The following GPRIN3 variants were observed in gnomAD, a reference collection of about 807,000 sequenced individuals.
GPRIN3 encodes the protein G protein-regulated inducer of neurite outgrowth 3.
A neutral mutation model predicts 13.7 loss-of-function variants in GPRIN3; 12 were observed. The observed-to-expected ratio is 0.87, with a 90% CI of 0.56 to 1.42. The LOEUF (loss-of-function observed/expected upper bound fraction) is 1.42, where lower values mean the gene tolerates loss of function less well. Ranked by LOEUF, GPRIN3 falls within the 40% of genes most tolerant of loss-of-function variation. The pLI is 0.00. For synonymous variants in GPRIN3, 377 were observed against 372.7 expected (o/e 1.01, Z -0.13); for missense variants, 1,009 against 958.7 (o/e 1.05, Z -0.69).
At chr4:89,256,382 T>G (rs771927491) in intron 1 of GPRIN3, among the ~76,000 whole-genome samples, 1 of 152,174 alleles carries the variant, frequency 6.6e-6, no homozygotes, top group Non-Finnish European at 1.5e-5. Context: ...AAGCTGACAC[T>G]GTCACTGACC....
In GPRIN3 at chr4:89,256,909, C is replaced by T. The variant is rs187338495; in HGVS notation, c.-123-6676G>A. ...TGCTCCCTTTAATTGGGAACTTTTG[C>T]CTGGATCATTTGCATTCTGAACCCA... On this transcript the variant is annotated intron_variant, in intron 1 of 1. Coordinates refer to ENST00000609438, the MANE Select transcript of GPRIN3 (RefSeq NM_198281.3). Among the ~76,000 whole-genome samples the T allele has an allele frequency of 5.3e-5, 8 of 152,250 alleles. No homozygotes were observed. In the East Asian group the frequency reaches 1.5e-3, roughly 29 times the overall value.
rs1208151953 is a variant in GPRIN3, at chr4:89,249,599, C to T, written c.512G>A (p.Ser171Asn). Residue 171 changes from serine to asparagine, a missense_variant, in exon 2 of 2, where the codon AGT becomes AAT. Physicochemically the swap from Ser to Asn is conservative, Grantham distance 46. Transcript: ENST00000609438. Reference sequence around the variant, plus strand: ...ACTGAGGACGCCTCCCACAGGACAACTTGGTTTCTCAGGTTGCTCTCTATT... The same window carrying T: ...ACTGAGGACGCCTCCCACAGGACAATTTGGTTTCTCAGGTTGCTCTCTATT... ...TSNREQPEKP[S>N]CPVGGVLSSS... The T allele has an allele frequency of 1.2e-6, 2 of 1,614,080 alleles. No individual in the cohort carries two copies. The highest frequency in any genetic ancestry group is 3.3e-5 in the Admixed American group (2 of 60,004).
At chr4:89,278,031 G>A (rs1724141316) in intron 1 of GPRIN3, among the ~76,000 whole-genome samples, 1 of 152,038 alleles carries the variant, frequency 6.6e-6, no homozygotes, top group Non-Finnish European at 1.5e-5. Flanking sequence ...GTTAGCTATT[G>A]CTGCAATATT....
At chr4:89,296,263 A>G (rs946553998) in intron 1 of GPRIN3, among the ~76,000 whole-genome samples, 3 of 152,036 alleles carry the variant, frequency 2.0e-5, no homozygotes, top group Non-Finnish European at 2.9e-5. Flanking sequence ...TTCTTTTACT[A>G]GAAAAAAAAA....
intron 1 of GPRIN3, among the ~76,000 whole-genome samples, chr4:89,269,705 A>C (rs1365297480): frequency 6.6e-6 from 1 of 152,194 alleles, no homozygotes; most frequent in Admixed American, 6.5e-5. Context: ...CAACTGTTGA[A>C]AAAACCATGA....
At chr4:89,259,383 A>G (rs772366083) in intron 1 of GPRIN3, among the ~76,000 whole-genome samples, 42 of 152,188 alleles carry the variant, frequency 2.8e-4, no homozygotes, top group Non-Finnish European at 5.4e-4. Context: ...TTCTTTTGCA[A>G]CTCAGCTTTG....
chr4:89,275,957 A>G (rs1724082190), intron 1 of GPRIN3, among the ~76,000 whole-genome samples: 1 of 152,230 alleles, frequency 6.6e-6, no homozygotes, highest in Non-Finnish European at 1.5e-5. Flanking sequence ...GCCTACAATT[A>G]ACCTAGGCCA....
intron 1 of GPRIN3, among the ~76,000 whole-genome samples, chr4:89,286,805 G>A (rs13106910): frequency 0.72 from 109,181 of 152,048 alleles, 40,494 homozygotes; most frequent in Non-Finnish European, 0.83. Flanking sequence ...TACTCCCAAA[G>A]TACTTAGAAA....
intron 1 of GPRIN3, among the ~76,000 whole-genome samples, chr4:89,277,268 G>T (rs974802785): frequency 1.3e-5 from 2 of 152,130 alleles, no homozygotes; most frequent in Admixed American, 6.5e-5. Context: ...GGCTAAATTC[G>T]CGAGAAAACT....
chr4:89,241,354 G>A lies in GPRIN3; in HGVS notation c.*6426C>T, dbSNP rs1013325920. ...AATACAGAAATTGGCCTTTAAATGGGATACGACAAGTTATTTTTTTTACAC... is the reference window on the plus strand; with the variant it reads ...AATACAGAAATTGGCCTTTAAATGGAATACGACAAGTTATTTTTTTTACAC... On this transcript the variant is annotated 3_prime_UTR_variant, in exon 2 of 2. Coordinates refer to ENST00000609438, the MANE Select transcript of GPRIN3 (RefSeq NM_198281.3). 5 of 152,008 alleles carry A rather than the reference G, an allele frequency of 3.3e-5. No homozygotes were observed. The highest frequency in any genetic ancestry group is 7.4e-5 in the Non-Finnish European group (5 of 67,998). The allele number at this position is 152,008 out of a possible 1,614,324, so 9.4% of individuals were successfully genotyped here. A position where few individuals can be genotyped will look rare whatever the true frequency, so the allele number is the denominator to read the frequency against.
At chr4:89,260,876 CATTT>C (rs946077932) in intron 1 of GPRIN3, among the ~76,000 whole-genome samples, 2 of 152,182 alleles carry the variant, frequency 1.3e-5, no homozygotes, top group African/African-American at 4.8e-5. Flanking sequence ...GACATCCATT[CATTT>C]ATTTAATAAG....
In GPRIN3 at chr4:89,245,649, T is replaced by C. The variant is rs1465263012; in HGVS notation, c.*2131A>G. 2 of 152,234 alleles carry C rather than the reference T, an allele frequency of 1.3e-5. No homozygotes were observed. The highest frequency in any genetic ancestry group is 4.8e-5 in the African/African-American group (2 of 41,452). The allele number at this position is 152,234 out of a possible 1,614,324, so 9.4% of individuals were successfully genotyped here. ...GGCCCTGTTGACAGCTGCTACTGTG[T>C]ACACAGGCTGTACTCTGTGTATACA... On this transcript the variant is annotated 3_prime_UTR_variant, in exon 2 of 2. Transcript: ENST00000609438.
chr4:89,301,709 G>C (rs912091825), intron 1 of GPRIN3, among the ~76,000 whole-genome samples: 2 of 152,154 alleles, frequency 1.3e-5, no homozygotes, highest in Non-Finnish European at 2.9e-5. Context: ...CACTTGGATG[G>C]ACTATTTGCA....
intron 1 of GPRIN3, among the ~76,000 whole-genome samples, chr4:89,278,923 G>A (rs1001440526): frequency 6.6e-6 from 1 of 152,198 alleles, no homozygotes; most frequent in African/African-American, 2.4e-5. Flanking sequence ...CATGGTAGAG[G>A]CCTGTCACTG....
At position 89,242,521 on chromosome 4, in the gene GPRIN3, T is replaced by C. The variant is rs750475191; in HGVS notation, c.*5259A>G. 6.6e-6 allele frequency: 1 copy of C among 152,228 alleles called. No individual in the cohort carries two copies. Among genetic ancestry groups the C allele is most frequent in the Admixed American group, 6.5e-5 (1 of 15,282 alleles). 9.4% of individuals were successfully genotyped at this position (152,228 alleles called of 1,614,324 possible). ...CTCTGGGCTCACATAAAAACATAGA[T>C]GCCAACTGTATCCTGACTAATGCTC... On this transcript the variant is annotated 3_prime_UTR_variant, in exon 2 of 2. Coordinates refer to ENST00000609438, the MANE Select transcript of GPRIN3 (RefSeq NM_198281.3).
At chr4:89,273,684 T>A (rs1023612960) in intron 1 of GPRIN3, among the ~76,000 whole-genome samples, 2 of 152,152 alleles carry the variant, frequency 1.3e-5, no homozygotes, top group Non-Finnish European at 2.9e-5. Context: ...AGACTCCGTC[T>A]CAAAAAACAA....
At chr4:89,271,169 C>T (rs1723939619) in intron 1 of GPRIN3, among the ~76,000 whole-genome samples, 1 of 152,132 alleles carries the variant, frequency 6.6e-6, no homozygotes, top group Non-Finnish European at 1.5e-5. Context: ...CTTATTGAAA[C>T]TTCACAATAA....
chr4:89,287,563 C>T (rs1270001415), intron 1 of GPRIN3, among the ~76,000 whole-genome samples: 1 of 152,090 alleles, frequency 6.6e-6, no homozygotes, highest in African/African-American at 2.4e-5. Flanking sequence ...TACACTGTTA[C>T]CTGGAACTTG....
intron 1 of GPRIN3, among the ~76,000 whole-genome samples, chr4:89,268,281 A>G (rs1167626875): frequency 6.6e-6 from 1 of 152,246 alleles, no homozygotes; most frequent in African/African-American, 2.4e-5. Flanking sequence ...GTAAGAATAC[A>G]AAGAGAAAAG....
Sources: allele counts gnomAD v4.1 joint callset (sites outside exome capture counted in the v4.1 genomes callset), GRCh38; gene constraint gnomAD v4.1.1; transcripts MANE v1.5; gene names NCBI Gene and HGNC (gene_info 2026-07-23, HGNC 2026-07-21).